The following SLC35D2 variants were observed in gnomAD, a reference collection of about 807,000 sequenced individuals.
SLC35D2 encodes the protein solute carrier family 35 member D2.
In SLC35D2, 43 loss-of-function variants were observed where a neutral mutation model predicts 41.8. That is an observed-to-expected ratio of 1.03 (90% CI 0.81 to 1.33). SLC35D2 has a LOEUF of 1.33. SLC35D2 is among the 40% of genes most tolerant of loss of function. The pLI, the probability that SLC35D2 is intolerant of heterozygous loss-of-function variation, is 0.00. For synonymous variants in SLC35D2, 150 were observed against 163.9 expected, an observed-to-expected ratio of 0.92 and a Z score of 0.65; for missense variants, 380 against 408.4, an observed-to-expected ratio of 0.93 and a Z score of 0.60.
rs569529059 is a variant in SLC35D2 at position 96,379,056 on chromosome 9, A to C, written c.158+4421T>G. Reference sequence around the variant, plus strand: ...CTCACACCTGTAATCCCAGCCCTTCAAGGGGCCAAGGCGGATGGATTGCTT... The same window carrying C: ...CTCACACCTGTAATCCCAGCCCTTCCAGGGGCCAAGGCGGATGGATTGCTT... On this transcript the variant is annotated intron_variant, in intron 1 of 11. Coordinates refer to ENST00000253270, the MANE Select transcript of SLC35D2 (RefSeq NM_007001.3). Among the ~76,000 whole-genome samples the C allele has an allele frequency of 2.6e-5, 4 of 152,100 alleles. No homozygotes were observed. The South Asian group carries it at 8.3e-4, about 32-fold the overall frequency.
intron 2 of SLC35D2, among the ~76,000 whole-genome samples, chr9:96,367,187 T>C (rs1830507517): frequency 7.1e-6 from 1 of 141,444 alleles, no homozygotes; most frequent in Admixed American, 7.5e-5. Flanking sequence ...ACCACTGCAT[T>C]CCAGCCTGGG....
At chr9:96,371,484 A>C (rs1830678572) in intron 1 of SLC35D2, among the ~76,000 whole-genome samples, 1 of 81,854 alleles carries the variant, frequency 1.2e-5, no homozygotes, top group Admixed American at 1.1e-4. Context: ...CAAAAAAAAA[A>C]AAAAAAAAAA....
At chr9:96,345,771 C>T (rs1489690609) in intron 6 of SLC35D2, among the ~76,000 whole-genome samples, 1 of 152,192 alleles carries the variant, frequency 6.6e-6, no homozygotes, top group Non-Finnish European at 1.5e-5. Flanking sequence ...ACAGGGCCAC[C>T]TCCAGGGTGC....
intron 6 of SLC35D2, among the ~76,000 whole-genome samples, chr9:96,348,417 C>G (rs1316752157): frequency 6.6e-6 from 1 of 152,164 alleles, no homozygotes; most frequent in Admixed American, 6.5e-5. Context: ...GGAGCAGAGC[C>G]CTCGCACTAG....
At chr9:96,336,651 A>G (rs1829062996) in intron 9 of SLC35D2, 66 bp downstream of exon 9, 1 of 920,580 alleles carries the variant, frequency 1.1e-6, no homozygotes, top group South Asian at 1.5e-5. Flanking sequence ...GACAGAAGGC[A>G]TATCTTGATT....
chr9:96,331,265 G>A (rs1828795634), intron 9 of SLC35D2, among the ~76,000 whole-genome samples: 1 of 152,152 alleles, frequency 6.6e-6, no homozygotes, highest in South Asian at 2.1e-4. Context: ...TCATCCCTCT[G>A]CCCACTCCAA....
At chr9:96,353,415 G>A (rs1000387581) in intron 4 of SLC35D2, among the ~76,000 whole-genome samples, 2 of 151,918 alleles carry the variant, frequency 1.3e-5, no homozygotes, top group East Asian at 1.9e-4. Context: ...GTGCAGTGGC[G>A]CGATCTCAGC....
chr9:96,361,205 ACT>A (rs1830260503), intron 3 of SLC35D2, among the ~76,000 whole-genome samples: 1 of 152,146 alleles, frequency 6.6e-6, no homozygotes, highest in Non-Finnish European at 1.5e-5. Flanking sequence ...CAGCAGTTCC[ACT>A]CTGATAGATA....
intron 4 of SLC35D2, among the ~76,000 whole-genome samples, chr9:96,355,081 G>A (rs908430906): frequency 1.1e-4 from 17 of 151,202 alleles, no homozygotes; most frequent in Non-Finnish European, 1.8e-4. Context: ...GTGCAGTGGC[G>A]TCATCTTGGC....
At chr9:96,370,298 T>C (rs1401592057) in intron 1 of SLC35D2, among the ~76,000 whole-genome samples, 1 of 152,172 alleles carries the variant, frequency 6.6e-6, no homozygotes, top group Non-Finnish European at 1.5e-5. Flanking sequence ...CCTCTGAGAA[T>C]ACAACCTGTA....
At chr9:96,331,376 G>T (rs144817549) in intron 9 of SLC35D2, among the ~76,000 whole-genome samples, 1 of 151,944 alleles carries the variant, frequency 6.6e-6, no homozygotes, top group African/African-American at 2.4e-5. Flanking sequence ...ATTGTTCCTC[G>T]ACCCCTCCTT....
intron 9 of SLC35D2, among the ~76,000 whole-genome samples, chr9:96,325,437 C>CT (rs1413600552): frequency 1.3e-5 from 2 of 152,200 alleles, no homozygotes; most frequent in Non-Finnish European, 2.9e-5. Context: ...AATCCCAGCA[C>CT]TTTAGGAGGC....
chr9:96,364,597 T>C (rs779136189), intron 2 of SLC35D2, 47 bp from the exon 3 acceptor site: 9 of 1,065,028 alleles, frequency 8.5e-6, no homozygotes, highest in African/African-American at 7.8e-5. Flanking sequence ...TCTGCAAAGA[T>C]TGCTTGAGGT....
At chr9:96,329,320 T>C (rs1828701288) in intron 9 of SLC35D2, among the ~76,000 whole-genome samples, 1 of 151,978 alleles carries the variant, frequency 6.6e-6, no homozygotes, top group Admixed American at 6.6e-5. Context: ...AGCCTCAAAC[T>C]CCTGAGCTCA....
In SLC35D2 at chr9:96,383,501, T is replaced by C. The variant is rs1016485263; in HGVS notation, c.134A>G (p.Asn45Ser). 2.1e-5 allele frequency: 32 copies of C among 1,537,102 alleles called. 1 individual carries two copies. The highest frequency in any genetic ancestry group is 2.8e-5 in the African/African-American group (2 of 70,492). Reference protein sequence around the residue: ...GTCSFLIVLVNKALLTTYGFP... With the variant: ...GTCSFLIVLVSKALLTTYGFP... ...CCCGTAGGTGGTCAGCAGCGCCTTG[T>C]TGACAAGCACGATGAGGAAGGAGCA... The change falls in exon 1 of 12, where the codon AAC (asparagine) becomes AGC (serine). Residue 45 changes from asparagine to serine, a missense_variant. Physicochemically the swap from Asn to Ser is conservative, Grantham distance 46. Transcript: ENST00000253270.
At chr9:96,331,582 A>G (rs1564090600) in intron 9 of SLC35D2, among the ~76,000 whole-genome samples, 1 of 152,002 alleles carries the variant, frequency 6.6e-6, no homozygotes, top group Non-Finnish European at 1.5e-5. Flanking sequence ...GAAAAAGCAC[A>G]GGCCACAGAT....
chr9:96,336,309 G>C (rs1829049754), intron 9 of SLC35D2, among the ~76,000 whole-genome samples: 1 of 152,006 alleles, frequency 6.6e-6, no homozygotes, highest in Non-Finnish European at 1.5e-5. Flanking sequence ...AGGAGGCTAA[G>C]GTAGGAAGAT....
Position 96,383,468 on chromosome 9 carries a change from C to G in SLC35D2, c.158+9G>C, listed in dbSNP as rs1831294565. 1 of 1,530,834 alleles carries G rather than the reference C, an allele frequency of 6.5e-7. No homozygotes were observed. The highest frequency in any genetic ancestry group is 8.8e-7 in the Non-Finnish European group (1 of 1,137,836). 94.8% of individuals were successfully genotyped at this position (1,530,834 alleles called of 1,614,324 possible). A position where few individuals can be genotyped will look rare whatever the true frequency, so the allele number is the denominator to read the frequency against. ...CCCGCAGACCCCCCGGCCCCGGGCC[C>G]CGCCTCACCCGTAGGTGGTCAGCAG... is the stretch of plus-strand genomic sequence containing the variant. On this transcript the variant is annotated intron_variant, in intron 1 of 11. Transcript: ENST00000253270.
chr9:96,375,760 G>A (rs190504555), intron 1 of SLC35D2, among the ~76,000 whole-genome samples: 3 of 152,050 alleles, frequency 2.0e-5, no homozygotes, highest in Non-Finnish European at 4.4e-5. Context: ...GTTCACGCCT[G>A]TAATCGCAGC....
Sources: allele counts gnomAD v4.1 joint callset (sites outside exome capture counted in the v4.1 genomes callset), GRCh38; gene constraint gnomAD v4.1.1; transcripts MANE v1.5; gene names NCBI Gene and HGNC (gene_info 2026-07-23, HGNC 2026-07-21).